The following TSHZ3 variants were observed in gnomAD, a reference collection of about 807,000 sequenced individuals.
TSHZ3 encodes teashirt homolog 3.
In TSHZ3, 10 loss-of-function variants were observed where a neutral mutation model predicts 64.5. The ratio of observed to expected loss-of-function variants is 0.16; its 90% CI spans 0.10 to 0.26. The LOEUF is 0.26. TSHZ3 is among the 10% of genes least tolerant of loss of function. The pLI is 1.00. For missense variants in TSHZ3, 1,242 were observed against 1,421.7 expected, an observed-to-expected ratio of 0.87 and a Z score of 2.03; for synonymous variants, 608 against 593.1, an observed-to-expected ratio of 1.03 and a Z score of -0.36.
chr19:31,332,405 G>T (rs1917122400), intron 1 of TSHZ3, among the ~76,000 whole-genome samples: 1 of 152,174 alleles, frequency 6.6e-6, no homozygotes, highest in South Asian at 2.1e-4. Flanking sequence ...GGCTCTGAAA[G>T]CTCAAGGCCA....
At chr19:31,262,384 C>T (rs568572494) in intron 1 of TSHZ3, among the ~76,000 whole-genome samples, 8 of 152,232 alleles carry the variant, frequency 5.3e-5, no homozygotes, top group East Asian at 3.9e-4. Context: ...TGTGATTTCA[C>T]GAGCTGGGTA....
intron 4 of TSHZ3, among the ~76,000 whole-genome samples, chr19:31,220,659 C>G (rs748444148): frequency 5.9e-5 from 9 of 152,092 alleles, no homozygotes; most frequent in Non-Finnish European, 1.3e-4. Flanking sequence ...TTCTATTCAG[C>G]TGGCAGGTAA....
At chr19:31,204,588 G>T (rs1039712821) in intron 5 of TSHZ3, among the ~76,000 whole-genome samples, 1 of 152,184 alleles carries the variant, frequency 6.6e-6, no homozygotes, top group Non-Finnish European at 1.5e-5. Flanking sequence ...GAATGTTGTT[G>T]TTATTGTTGT....
At chr19:31,338,963 C>G (rs1006761355) in intron 1 of TSHZ3, among the ~76,000 whole-genome samples, 1 of 152,000 alleles carries the variant, frequency 6.6e-6, no homozygotes, top group Non-Finnish European at 1.5e-5. Context: ...CCTACCCTGC[C>G]CCAGCTTGTC....
At chr19:31,333,923 A>G (rs141667971) in intron 1 of TSHZ3, among the ~76,000 whole-genome samples, 105 of 152,310 alleles carry the variant, frequency 6.9e-4, no homozygotes, top group African/African-American at 2.4e-3. Context: ...GAAATGTTAA[A>G]TACTCCACTT....
rs868304117 is a variant in TSHZ3, at chr19:31,263,168, G to A, written n.64-20293C>T. 8.5e-5 allele frequency among the ~76,000 whole-genome samples: 13 copies of A among 152,302 alleles called. No individual in the cohort carries two copies. The South Asian group carries it at 2.5e-3, about 29-fold the overall frequency. On this transcript the variant is annotated intron_variant and non_coding_transcript_variant, in intron 1 of 6. Transcript: ENST00000651361. ...GCTGGCTCAGAATTGCAGCCTCTGA[G>A]CCAGGACTTGGAGGTCCCGGAGGAC... is the stretch of plus-strand genomic sequence containing the variant.
intron 1 of TSHZ3, among the ~76,000 whole-genome samples, chr19:31,348,044 C>T (rs552914526): frequency 1.3e-5 from 2 of 152,282 alleles, no homozygotes; most frequent in African/African-American, 4.8e-5. Context: ...GAAAGGAAGC[C>T]CCACTTAACC....
chr19:31,244,144 A>G (rs1051090216), intron 1 of TSHZ3, among the ~76,000 whole-genome samples: 2 of 152,194 alleles, frequency 1.3e-5, no homozygotes, highest in African/African-American at 4.8e-5. Context: ...GTCTGCACCC[A>G]GATCTCATGT....
At chr19:31,304,053 C>A (rs1460172315) in intron 1 of TSHZ3, among the ~76,000 whole-genome samples, 2 of 151,862 alleles carry the variant, frequency 1.3e-5, no homozygotes, top group Non-Finnish European at 2.9e-5. Flanking sequence ...TGGCTCACTG[C>A]AACCTCCGCC....
intron 4 of TSHZ3, among the ~76,000 whole-genome samples, chr19:31,227,507 G>A (rs940155767): frequency 6.6e-5 from 10 of 152,230 alleles, no homozygotes; most frequent in Non-Finnish European, 1.5e-4. Flanking sequence ...CAAACTTAGG[G>A]AGAGCCTGCT....
At chr19:31,331,768 T>C (rs1917103052) in intron 1 of TSHZ3, among the ~76,000 whole-genome samples, 1 of 152,278 alleles carries the variant, frequency 6.6e-6, no homozygotes, top group Admixed American at 6.5e-5. Context: ...GGACAGTCAA[T>C]TGATTTTCAC....
chr19:31,157,053 G>A (rs1974314323), intron 5 of TSHZ3, among the ~76,000 whole-genome samples: 1 of 152,152 alleles, frequency 6.6e-6, no homozygotes, highest in Non-Finnish European at 1.5e-5. Context: ...AGAGAGCAAT[G>A]AGGCCCTAGG....
intron 4 of TSHZ3, among the ~76,000 whole-genome samples, chr19:31,216,735 C>G (rs1428057232): frequency 6.6e-6 from 1 of 152,178 alleles, no homozygotes; most frequent in Non-Finnish European, 1.5e-5. Context: ...CTCCCGGGTT[C>G]ATGCGATTCT....
At chr19:31,293,231 A>G (rs1976605991) in intron 1 of TSHZ3, among the ~76,000 whole-genome samples, 1 of 152,244 alleles carries the variant, frequency 6.6e-6, no homozygotes, top group African/African-American at 2.4e-5. Flanking sequence ...AGGGTTAGGA[A>G]TAAGTAAACA....
intron 4 of TSHZ3, among the ~76,000 whole-genome samples, chr19:31,226,973 CTTTCTT>C (rs983140381): frequency 1.2e-4 from 8 of 68,150 alleles, no homozygotes; most frequent in African/African-American, 7.1e-4. Context: ...TTCTTTCTTT[CTTTCTT>C]TTTTTTTTTT....
At chr19:31,203,297 C>A (rs147075735) in intron 5 of TSHZ3, among the ~76,000 whole-genome samples, 14 of 152,112 alleles carry the variant, frequency 9.2e-5, no homozygotes, top group Non-Finnish European at 1.8e-4. Context: ...TGTCCAAAGA[C>A]CAGTGTGTGG....
At chr19:31,180,177 T>A (rs949737071) in intron 5 of TSHZ3, among the ~76,000 whole-genome samples, 1 of 152,164 alleles carries the variant, frequency 6.6e-6, no homozygotes, top group Non-Finnish European at 1.5e-5. Context: ...CTTGGCAGTG[T>A]CTAGCAGGGT....
At chr19:31,283,727 C>T (rs1276702866) in intron 1 of TSHZ3, among the ~76,000 whole-genome samples, 2 of 152,238 alleles carry the variant, frequency 1.3e-5, no homozygotes, top group African/African-American at 2.4e-5. Context: ...TCTCTGCAAA[C>T]GCCAACCTCA....
intron 1 of TSHZ3, among the ~76,000 whole-genome samples, chr19:31,340,291 C>G (rs371076291): frequency 7.8e-6 from 1 of 128,834 alleles, no homozygotes; most frequent in African/African-American, 3.0e-5. Flanking sequence ...TACTCAACTC[C>G]GACAGAATCT....
Sources: allele counts gnomAD v4.1 joint callset (sites outside exome capture counted in the v4.1 genomes callset), GRCh38; gene constraint gnomAD v4.1.1; transcripts MANE v1.5; gene names NCBI Gene and HGNC (gene_info 2026-07-23, HGNC 2026-07-21).